The following ZNF410 variants were observed in gnomAD, a reference collection of about 807,000 sequenced individuals.
ZNF410 encodes another partner for ARF 1.
ZNF410 carries 18 observed loss-of-function variants against 54.8 expected under a neutral mutation model. The ratio of observed to expected loss-of-function variants is 0.33; its 90% CI spans 0.23 to 0.49. The LOEUF (loss-of-function observed/expected upper bound fraction) is 0.49, where lower values mean the gene tolerates loss of function less well. Ranked by LOEUF, ZNF410 falls within the 20% of genes least tolerant of loss-of-function variation. The pLI is 0.99. For synonymous variants in ZNF410, 191 were observed against 207.3 expected, an observed-to-expected ratio of 0.92 and a Z score of 0.68; for missense variants, 405 against 569.6, an observed-to-expected ratio of 0.71 and a Z score of 2.94.
intron 3 of ZNF410, chr14:73,894,417 T>C: frequency 1.4e-6 from 1 of 692,508 alleles, no homozygotes; most frequent in Non-Finnish European, 2.6e-6. Context: ...TGAGTATACA[T>C]ACTTGCTTTT....
At chr14:73,931,440 A>G (rs2140337647) in intron 11 of ZNF410, 63 bp from the exon 12 acceptor site, 4 of 1,438,656 alleles carry the variant, frequency 2.8e-6, no homozygotes, top group Non-Finnish European at 3.9e-6. Flanking sequence ...ACTTTTTACT[A>G]TGAATTATTT....
At chr14:73,892,805 G>T (rs1045980959) in intron 2 of ZNF410, among the ~76,000 whole-genome samples, 4 of 152,290 alleles carry the variant, frequency 2.6e-5, no homozygotes, top group East Asian at 1.9e-4. Context: ...TTAAGTTTGG[G>T]TGCGGTGGCT....
chr14:73,917,958 A>G (rs1401765574), intron 8 of ZNF410, among the ~76,000 whole-genome samples: 1 of 152,192 alleles, frequency 6.6e-6, no homozygotes, highest in African/African-American at 2.4e-5. Flanking sequence ...CTTACATAAA[A>G]TGGCATGGTA....
chr14:73,922,250 A>AC (rs1186362142), intron 10 of ZNF410, 44 bp downstream of exon 10: 16 of 1,592,726 alleles, frequency 1.0e-5, no homozygotes, highest in African/African-American at 1.3e-5. Context: ...ATGGGCTGCA[A>AC]CTAGGGGCTA....
At chr14:73,903,754 G>A (rs1019300120) in intron 5 of ZNF410, 68 of 614,526 alleles carry the variant, frequency 1.1e-4, no homozygotes, top group Admixed American at 3.8e-4. Flanking sequence ...TCCCACCTTG[G>A]CTTCCCAAAG....
intron 1 of ZNF410, among the ~76,000 whole-genome samples, chr14:73,889,248 C>G (rs1298316629): frequency 2.0e-5 from 3 of 151,952 alleles, no homozygotes; most frequent in African/African-American, 4.8e-5. Flanking sequence ...GATCACTGTT[C>G]AGTGCAGCCT....
chr14:73,903,151 C>A (rs2055433018), intron 5 of ZNF410, among the ~76,000 whole-genome samples: 1 of 152,120 alleles, frequency 6.6e-6, no homozygotes, highest in South Asian at 2.1e-4. Flanking sequence ...GTTTTTGAAA[C>A]AGGGTCTTAC....
At chr14:73,929,593 T>C (rs1015353667) in intron 11 of ZNF410, among the ~76,000 whole-genome samples, 17 of 152,020 alleles carry the variant, frequency 1.1e-4, no homozygotes, top group African/African-American at 3.6e-4. Flanking sequence ...GGCTAGCACT[T>C]TGGGAGGCTG....
intron 5 of ZNF410, among the ~76,000 whole-genome samples, chr14:73,901,151 A>C (rs2055400103): frequency 6.6e-6 from 1 of 152,218 alleles, no homozygotes; most frequent in South Asian, 2.1e-4. Context: ...ATATCAGATC[A>C]GCAAAGGCCT....
intron 7 of ZNF410, chr14:73,906,542 G>A (rs1386834904): frequency 6.6e-6 from 1 of 152,142 alleles, no homozygotes; most frequent in African/African-American, 2.4e-5. Context: ...GTGCAGTGAT[G>A]CGATCTCAGC....
intron 11 of ZNF410, among the ~76,000 whole-genome samples, chr14:73,930,680 G>A (rs2055898428): frequency 6.6e-6 from 1 of 150,772 alleles, no homozygotes; most frequent in African/African-American, 2.4e-5. Flanking sequence ...ATAGCTCACT[G>A]CACCCTTGAA....
intron 6 of ZNF410, 94 bp downstream of exon 6, chr14:73,904,204 A>G: frequency 2.2e-6 from 3 of 1,393,382 alleles, no homozygotes; most frequent in Non-Finnish European, 2.9e-6. Context: ...AAATTACAGG[A>G]AAGTAGGGAC....
rs532015244 is a variant in ZNF410, at chr14:73,931,600, G to A, written c.*59G>A. The A allele has an allele frequency of 2.0e-6, 3 of 1,517,938 alleles. No individual in the cohort carries two copies. The highest frequency in any genetic ancestry group is 1.1e-5 in the South Asian group (1 of 88,026). 94.0% of individuals were successfully genotyped at this position (1,517,938 alleles called of 1,614,324 possible). On this transcript the variant is annotated 3_prime_UTR_variant, in exon 12 of 12. Transcript: ENST00000555044. ...TCTGATCTCAAAATGCGTATACTGG[G>A]AACAGGATGCCTTAGCCCACAACAG...
intron 8 of ZNF410, chr14:73,914,586 G>A (rs1461580599): frequency 1.3e-5 from 2 of 151,810 alleles, no homozygotes; most frequent in Admixed American, 6.6e-5. Flanking sequence ...TTCCAATGTC[G>A]GGATGACAGG....
At chr14:73,902,686 A>G (rs995790577) in intron 5 of ZNF410, among the ~76,000 whole-genome samples, 1 of 152,216 alleles carries the variant, frequency 6.6e-6, no homozygotes, top group Non-Finnish European at 1.5e-5. Flanking sequence ...CTGCCTGCAT[A>G]TGCTCATGGC....
rs1475647724 is a variant in ZNF410, at chr14:73,931,847, T to G, written c.*306T>G. The G allele has an allele frequency of 2.3e-6, 1 of 439,992 alleles. No homozygotes were observed. Among genetic ancestry groups the G allele is most frequent in the African/African-American group, 2.0e-5 (1 of 49,386 alleles). The allele number at this position is 439,992 out of a possible 1,614,324, so 27.3% of individuals were successfully genotyped here. ...TTTGATTATGTGTTGGCTGAAGTTC[T>G]TCATTCTGACTGTTGAGGGGAGGTT... On this transcript the variant is annotated 3_prime_UTR_variant, in exon 12 of 12. Coordinates refer to ENST00000555044, the MANE Select transcript of ZNF410 (RefSeq NM_021188.3).
chr14:73,888,791 A>G (rs768548938), intron 1 of ZNF410, among the ~76,000 whole-genome samples: 46 of 152,332 alleles, frequency 3.0e-4, no homozygotes, highest in Non-Finnish European at 5.4e-4. Context: ...CCCACAGTAC[A>G]CTTGATAAGA....
chr14:73,910,849 G>A (rs1306801986), intron 8 of ZNF410, among the ~76,000 whole-genome samples: 8 of 138,980 alleles, frequency 5.8e-5, no homozygotes, highest in Non-Finnish European at 9.0e-5. Flanking sequence ...GTGACAGGGC[G>A]AGACCCTGTC....
chr14:73,893,770 T>C, intron 2 of ZNF410, 27 bp from the exon 3 acceptor site: 1 of 1,586,222 alleles, frequency 6.3e-7, no homozygotes. Context: ...AACTCGTATT[T>C]CTCAGTGTTG....
Sources: gnomAD v4.1 joint callset for allele counts (sites outside exome capture counted in the v4.1 genomes callset) on GRCh38, gnomAD v4.1.1 for gene constraint, MANE v1.5 for transcripts, NCBI Gene and HGNC (gene_info 2026-07-23, HGNC 2026-07-21) for gene names.